SIPA1L1: variants seen among roughly 807,000 people sequenced by gnomAD.
SIPA1L1 encodes the protein signal-induced proliferation-associated 1-like protein 1.
SIPA1L1 carries 26 observed loss-of-function variants against 162.7 expected under a neutral mutation model. The ratio of observed to expected loss-of-function variants is 0.16; its 90% CI spans 0.12 to 0.22. The LOEUF is 0.22. Among genes scored for constraint, SIPA1L1 ranks in the 10% least tolerant of loss-of-function variants. The probability of loss-of-function intolerance (pLI) is 1.00; values close to 1 mark genes in which losing one functional copy is unlikely to be tolerated. For synonymous variants in SIPA1L1, 829 were observed against 837.4 expected (o/e 0.99, Z 0.17); for missense variants, 1,874 against 2,241.0 (o/e 0.84, Z 3.31).
chr14:71,704,894 A>G (rs2082332731), intron 15 of SIPA1L1: 2 of 738,902 alleles, frequency 2.7e-6, no homozygotes, highest in Non-Finnish European at 4.7e-6. Context: ...TGAATTTCAT[A>G]AATTTAATTC....
chr14:71,490,909 G>A (rs530891968), intron 2 of SIPA1L1, among the ~76,000 whole-genome samples: 3 of 152,232 alleles, frequency 2.0e-5, no homozygotes, highest in East Asian at 3.9e-4. Flanking sequence ...ATTTTCAAAG[G>A]TAGGGGTTTA....
chr14:71,506,266 C>T (rs2144003401), intron 2 of SIPA1L1, among the ~76,000 whole-genome samples: 1 of 152,216 alleles, frequency 6.6e-6, no homozygotes, highest in East Asian at 1.9e-4. Context: ...GTTCCTATAA[C>T]CTTTTGCTTC....
intron 2 of SIPA1L1, among the ~76,000 whole-genome samples, chr14:71,463,254 C>T (rs1405789416): frequency 6.6e-6 from 1 of 152,306 alleles, no homozygotes; most frequent in South Asian, 2.1e-4. Context: ...AGCCCTCACC[C>T]TACCAGTCAG....
chr14:71,616,527 T>TA (rs1040970631), intron 5 of SIPA1L1, among the ~76,000 whole-genome samples: 4 of 101,974 alleles, frequency 3.9e-5, no homozygotes, highest in Non-Finnish European at 7.3e-5. Context: ...AAGTTGAAGA[T>TA]AAAAAAAGAG....
intron 10 of SIPA1L1, among the ~76,000 whole-genome samples, chr14:71,668,647 C>G (rs1191277082): frequency 1.3e-5 from 2 of 152,140 alleles, no homozygotes; most frequent in Non-Finnish European, 2.9e-5. Context: ...CTGTTAAGTT[C>G]CCTTCCTGTG....
intron 2 of SIPA1L1, among the ~76,000 whole-genome samples, chr14:71,434,981 T>C (rs968757914): frequency 2.0e-5 from 3 of 152,204 alleles, no homozygotes; most frequent in African/African-American, 7.2e-5. Flanking sequence ...CTCTTAATAA[T>C]GGACTTTAAG....
At chr14:71,473,864 A>G (rs61989374) in intron 2 of SIPA1L1, among the ~76,000 whole-genome samples, 1 of 152,168 alleles carries the variant, frequency 6.6e-6, no homozygotes, top group South Asian at 2.1e-4. Flanking sequence ...TAGAGCTGTC[A>G]TTAAGCTGTT....
intron 2 of SIPA1L1, among the ~76,000 whole-genome samples, chr14:71,412,734 T>G (rs1595324320): frequency 6.6e-6 from 1 of 152,230 alleles, no homozygotes; most frequent in East Asian, 1.9e-4. Flanking sequence ...AGCTTCCATT[T>G]TATGTGATTG....
At chr14:71,711,341 C>T (rs1041258562) in intron 17 of SIPA1L1, among the ~76,000 whole-genome samples, 2 of 152,208 alleles carry the variant, frequency 1.3e-5, no homozygotes, top group African/African-American at 2.4e-5. Flanking sequence ...TGATGACACT[C>T]GCTGGCTGTT....
At position 71,432,069 on chromosome 14, in the gene SIPA1L1, T is replaced by C. The variant is rs186236781; in HGVS notation, c.-464-80674T>C. ...GGTGGTGCTTCTTGCTTTCTTTTTT[T>C]CTTTTTCTTTTTTTTAATTTTTGAG... On this transcript the variant is annotated intron_variant, in intron 2 of 23. Transcript: ENST00000381232. Among the ~76,000 whole-genome samples, 30 of 152,180 alleles carry C rather than the reference T, an allele frequency of 2.0e-4. No individual in the cohort carries two copies. The East Asian group carries it at 5.6e-3, about 28-fold the overall frequency.
intron 5 of SIPA1L1, among the ~76,000 whole-genome samples, chr14:71,598,016 C>T (rs2036248630): frequency 6.6e-6 from 1 of 152,156 alleles, no homozygotes; most frequent in East Asian, 1.9e-4. Flanking sequence ...GCCAATATGT[C>T]TTGTATTCAT....
intron 4 of SIPA1L1, chr14:71,586,300 T>C (rs959293323): frequency 2.6e-5 from 4 of 151,748 alleles, no homozygotes; most frequent in African/African-American, 9.7e-5. Context: ...AAAGTGATGC[T>C]GTGTGCTGCA....
chr14:71,525,051 G>A (rs1055195055), intron 3 of SIPA1L1, among the ~76,000 whole-genome samples: 1 of 152,088 alleles, frequency 6.6e-6, no homozygotes, highest in Admixed American at 6.5e-5. Flanking sequence ...ATGGCTCACT[G>A]CAGCCTCAAC....
At chr14:71,467,510 C>G (rs1354942622) in intron 2 of SIPA1L1, among the ~76,000 whole-genome samples, 2 of 152,050 alleles carry the variant, frequency 1.3e-5, no homozygotes, top group African/African-American at 4.8e-5. Flanking sequence ...ATGTAGAAGC[C>G]TATTAAAATC....
At chr14:71,598,147 C>G in intron 5 of SIPA1L1, 3 of 906,300 alleles carry the variant, frequency 3.3e-6, no homozygotes, top group Non-Finnish European at 4.0e-6. Context: ...ACATTACAGA[C>G]AGGTCTGTGT....
At chr14:71,338,806 C>T (rs1398291744) in intron 2 of SIPA1L1, among the ~76,000 whole-genome samples, 1 of 151,196 alleles carries the variant, frequency 6.6e-6, no homozygotes, top group Non-Finnish European at 1.5e-5. Flanking sequence ...ATGGTGTGAT[C>T]TCGGCTCACT....
intron 2 of SIPA1L1, among the ~76,000 whole-genome samples, chr14:71,329,419 T>TG (rs2034240342): frequency 1.4e-5 from 2 of 145,108 alleles, no homozygotes. Flanking sequence ...ACTTATTTTC[T>TG]GTTTTTTTTT....
intron 12 of SIPA1L1, among the ~76,000 whole-genome samples, chr14:71,677,889 G>C (rs537038487): frequency 7.9e-4 from 120 of 152,292 alleles, no homozygotes; most frequent in African/African-American, 2.8e-3. Context: ...TTGTAGTATA[G>C]TTTGAAGTCA....
chr14:71,604,111 C>T (rs1486032425), intron 5 of SIPA1L1, among the ~76,000 whole-genome samples: 1 of 150,474 alleles, frequency 6.6e-6, no homozygotes, highest in African/African-American at 2.4e-5. Context: ...GATCCTCCTG[C>T]CTCAGCCCCC....
Sources: gnomAD v4.1 joint callset for allele counts (sites outside exome capture counted in the v4.1 genomes callset) on GRCh38, gnomAD v4.1.1 for gene constraint, MANE v1.5 for transcripts, NCBI Gene and HGNC (gene_info 2026-07-23, HGNC 2026-07-21) for gene names.